B3GALT1: variants seen among roughly 807,000 people sequenced by gnomAD.
B3GALT1 encodes UDP-Gal:betaGlcNAc beta 1,3-galactosyltransferase, polypeptide 1.
Under a neutral mutation model 23.2 loss-of-function variants are expected in B3GALT1, and 10 were observed. The observed-to-expected ratio is 0.43, with a 90% confidence interval of 0.27 to 0.73. B3GALT1 has a LOEUF of 0.73. Ranked by LOEUF, B3GALT1 falls within the 30% of genes least tolerant of loss-of-function variation. B3GALT1 has a pLI of 0.21. For missense variants in B3GALT1, 299 were observed against 405.4 expected (o/e 0.74, Z 2.25); for synonymous variants, 156 against 141.5 (o/e 1.10, Z -0.73).
Position 167,726,996 on chromosome 2 carries a change from A to G in B3GALT1, c.-352+80030A>G, listed in dbSNP as rs138416416. Among the ~76,000 whole-genome samples the G allele has an allele frequency of 9.2e-5, 14 of 152,348 alleles. No individual in the cohort carries two copies. The East Asian group carries it at 2.7e-3, about 29-fold the overall frequency. The stretch of plus-strand genomic sequence containing the variant: ...ACTGATTGAGTACAGGTGTAAAGCT[A>G]TGTCATGAAAAACCTTTGACCCCTT... On this transcript the variant is annotated intron_variant, in intron 3 of 4. Coordinates refer to ENST00000392690, the MANE Select transcript of B3GALT1 (RefSeq NM_020981.4).
intron 3 of B3GALT1, among the ~76,000 whole-genome samples, chr2:167,809,677 G>T (rs1333413533): frequency 6.6e-6 from 1 of 152,158 alleles, no homozygotes; most frequent in African/African-American, 2.4e-5. Flanking sequence ...AGCCGTATGA[G>T]GTGTCAGTCT....
At chr2:167,434,936 C>T (rs1698757085) in intron 1 of B3GALT1, among the ~76,000 whole-genome samples, 1 of 151,792 alleles carries the variant, frequency 6.6e-6, no homozygotes, top group Non-Finnish European at 1.5e-5. Context: ...ATAGAACTGG[C>T]AATGAAAATA....
intron 2 of B3GALT1, among the ~76,000 whole-genome samples, chr2:167,521,069 C>G (rs961874390): frequency 6.6e-6 from 1 of 151,842 alleles, no homozygotes; most frequent in African/African-American, 2.4e-5. Context: ...AATAAGTTAT[C>G]TGTTTGTAAA....
intron 1 of B3GALT1, among the ~76,000 whole-genome samples, chr2:167,339,554 T>TG (rs1484878928): frequency 6.6e-6 from 1 of 152,146 alleles, no homozygotes; most frequent in Admixed American, 6.5e-5. Context: ...TTTATTAAGT[T>TG]GGGGAACTGG....
chr2:167,411,384 A>C (rs199911607), intron 1 of B3GALT1, among the ~76,000 whole-genome samples: 5 of 2,504 alleles, frequency 2.0e-3, no homozygotes, highest in Admixed American at 0.025. Flanking sequence ...AAACCAAAAA[A>C]AAAAAAAAAA....
chr2:167,783,654 G>T (rs1252524844), intron 3 of B3GALT1, among the ~76,000 whole-genome samples: 1 of 152,220 alleles, frequency 6.6e-6, no homozygotes, highest in Admixed American at 6.5e-5. Context: ...GGCTGGAAGA[G>T]GAGGAGGAAA....
intron 3 of B3GALT1, among the ~76,000 whole-genome samples, chr2:167,683,178 T>C (rs1686563273): frequency 6.6e-6 from 1 of 152,176 alleles, no homozygotes; most frequent in Non-Finnish European, 1.5e-5. Context: ...GAATAGAATA[T>C]TTATGATCAT....
chr2:167,672,656 C>G (rs1686352141), intron 3 of B3GALT1, among the ~76,000 whole-genome samples: 1 of 152,064 alleles, frequency 6.6e-6, no homozygotes, highest in Non-Finnish European at 1.5e-5. Context: ...TAGAGATAAT[C>G]AAAAGTACTT....
At chr2:167,543,449 G>C (rs557054099) in intron 2 of B3GALT1, among the ~76,000 whole-genome samples, 1 of 152,064 alleles carries the variant, frequency 6.6e-6, no homozygotes, top group Non-Finnish European at 1.5e-5. Context: ...GAAGATATAA[G>C]GTATGCTGGG....
At chr2:167,746,662 G>T (rs1406041694) in intron 3 of B3GALT1, among the ~76,000 whole-genome samples, 1 of 152,138 alleles carries the variant, frequency 6.6e-6, no homozygotes, top group Non-Finnish European at 1.5e-5. Flanking sequence ...ATAATATCTG[G>T]TAAATAGCTC....
intron 3 of B3GALT1, among the ~76,000 whole-genome samples, chr2:167,746,435 C>G (rs1291523920): frequency 1.3e-5 from 2 of 152,180 alleles, no homozygotes; most frequent in East Asian, 3.8e-4. Flanking sequence ...TTTCTCACAT[C>G]TGTGACAGGG....
chr2:167,553,778 T>C (rs1025418368), intron 2 of B3GALT1, among the ~76,000 whole-genome samples: 2 of 152,216 alleles, frequency 1.3e-5, no homozygotes, highest in Non-Finnish European at 2.9e-5. Flanking sequence ...GCTATGGATA[T>C]GAAGCTCTTA....
intron 1 of B3GALT1, among the ~76,000 whole-genome samples, chr2:167,335,566 G>A (rs1167651684): frequency 6.6e-6 from 1 of 152,064 alleles, no homozygotes. Context: ...GAAGGGGGTG[G>A]GCAGTTCCCA....
In B3GALT1 at chr2:167,617,207, C is replaced by T. The variant is rs549921057; in HGVS notation, c.-409-29702C>T. 2.8e-4 allele frequency among the ~76,000 whole-genome samples: 42 copies of T among 152,188 alleles called. 1 individual carries two copies. Among genetic ancestry groups the T allele is most frequent in the Non-Finnish European group, 5.1e-4 (35 of 67,992 alleles). On this transcript the variant is annotated intron_variant, in intron 2 of 4. Coordinates refer to ENST00000392690, the MANE Select transcript of B3GALT1 (RefSeq NM_020981.4). ...CTGCCTAAGCTGTAACCATCACATT[C>T]ATCATCCACATTAAAGGCAGAAAAA...
At chr2:167,532,660 A>G (rs1414655576) in intron 2 of B3GALT1, among the ~76,000 whole-genome samples, 1 of 152,130 alleles carries the variant, frequency 6.6e-6, no homozygotes, top group African/African-American at 2.4e-5. Context: ...ATGCTTATGT[A>G]TAACCTATGC....
intron 1 of B3GALT1, among the ~76,000 whole-genome samples, chr2:167,369,061 T>TTGTGTGTGTG (rs60938716): frequency 1.0e-3 from 148 of 147,570 alleles, no homozygotes; most frequent in African/African-American, 2.5e-3. Flanking sequence ...AAACTCTTAT[T>TTGTGTGTGTG]TGTGTGTGTG....
At chr2:167,335,211 G>T (rs1178229360) in intron 1 of B3GALT1, among the ~76,000 whole-genome samples, 1 of 151,524 alleles carries the variant, frequency 6.6e-6, no homozygotes, top group Non-Finnish European at 1.5e-5. Flanking sequence ...GGGCGGGGAG[G>T]GGGGAGCGGA....
At chr2:167,756,130 C>A (rs1189009322) in intron 3 of B3GALT1, among the ~76,000 whole-genome samples, 3 of 152,076 alleles carry the variant, frequency 2.0e-5, no homozygotes, top group Non-Finnish European at 2.9e-5. Context: ...AGATAGTCCA[C>A]ACTTACTTAA....
chr2:167,849,845 G>C (rs532747684), intron 4 of B3GALT1, among the ~76,000 whole-genome samples: 17 of 148,478 alleles, frequency 1.1e-4, no homozygotes, highest in Non-Finnish European at 2.4e-4. Context: ...AGCCGAGATC[G>C]CGCCACTGCA....
Sources: allele counts gnomAD v4.1 joint callset (sites outside exome capture counted in the v4.1 genomes callset), GRCh38; gene constraint gnomAD v4.1.1; transcripts MANE v1.5; gene names NCBI Gene and HGNC (gene_info 2026-07-23, HGNC 2026-07-21).